The following SUSD6 variants were observed in gnomAD, a reference collection of about 807,000 sequenced individuals.
SUSD6 encodes the protein sushi domain containing 6.
SUSD6 carries 16 observed loss-of-function variants against 28.4 expected under a neutral mutation model. The ratio of observed to expected loss-of-function variants is 0.56; its 90% CI spans 0.38 to 0.86. SUSD6 has a LOEUF of 0.86. SUSD6 is among the 40% of genes least tolerant of loss of function. The probability of loss-of-function intolerance (pLI) is 0.00; values close to 1 mark genes in which losing one functional copy is unlikely to be tolerated. For synonymous variants in SUSD6, 147 were observed against 159.6 expected, an observed-to-expected ratio of 0.92 and a Z score of 0.59; for missense variants, 341 against 384.2, an observed-to-expected ratio of 0.89 and a Z score of 0.94.
intron 2 of SUSD6, among the ~76,000 whole-genome samples, chr14:69,661,455 CT>C (rs1885659369): frequency 6.6e-6 from 1 of 152,132 alleles, no homozygotes; most frequent in Admixed American, 6.5e-5. Context: ...CTGTTGTTTT[CT>C]TTCCCCTCCC....
chr14:69,647,852 G>A (rs1398517159), intron 1 of SUSD6, among the ~76,000 whole-genome samples: 1 of 152,094 alleles, frequency 6.6e-6, no homozygotes, highest in Admixed American at 6.6e-5. Context: ...GGGCTTGGTG[G>A]CGCACACCTG....
intron 1 of SUSD6, among the ~76,000 whole-genome samples, chr14:69,628,725 T>G (rs1251160184): frequency 6.6e-6 from 1 of 150,978 alleles, no homozygotes; most frequent in Non-Finnish European, 1.5e-5. Context: ...GTGGGTTTTT[T>G]TTTTTTTTTT....
At chr14:69,696,259 C>G (rs1941107343) in intron 2 of SUSD6, among the ~76,000 whole-genome samples, 1 of 152,132 alleles carries the variant, frequency 6.6e-6, no homozygotes, top group Non-Finnish European at 1.5e-5. Flanking sequence ...CTCAGTTAAG[C>G]CTTATTGTCC....
At chr14:69,691,903 G>A (rs1456978721) in intron 2 of SUSD6, among the ~76,000 whole-genome samples, 1 of 152,090 alleles carries the variant, frequency 6.6e-6, no homozygotes, top group Non-Finnish European at 1.5e-5. Context: ...GCCCGGTGTG[G>A]TGGCACACAC....
chr14:69,665,472 T>G (rs1885726211), intron 2 of SUSD6, among the ~76,000 whole-genome samples: 1 of 152,208 alleles, frequency 6.6e-6, no homozygotes, highest in South Asian at 2.1e-4. Flanking sequence ...AGGCTGGTCT[T>G]GAACTCCTGG....
At chr14:69,669,448 A>G (rs1885797382) in intron 2 of SUSD6, among the ~76,000 whole-genome samples, 1 of 152,212 alleles carries the variant, frequency 6.6e-6, no homozygotes, top group African/African-American at 2.4e-5. Flanking sequence ...GAAGTGAAGG[A>G]GGAATGTATA....
rs567114098 is a variant in SUSD6, at chr14:69,713,168, A to G, written c.*2189A>G. On this transcript the variant is annotated 3_prime_UTR_variant, in exon 6 of 6. Transcript: ENST00000342745. ...TGTTACTCTGGGGTTTTGTCCCCCTAAGAGATTGCACTTTTTGTTTGGGGT... is the reference window on the plus strand; with the variant it reads ...TGTTACTCTGGGGTTTTGTCCCCCTGAGAGATTGCACTTTTTGTTTGGGGT... The G allele has an allele frequency of 6.6e-6, 1 of 152,294 alleles. No homozygotes were observed. Among genetic ancestry groups the G allele is most frequent in the South Asian group, 2.1e-4 (1 of 4,828 alleles). The allele number at this position is 152,294 out of a possible 1,614,324, so 9.4% of individuals were successfully genotyped here.
chr14:69,625,743 G>A (rs1245319572), intron 1 of SUSD6, among the ~76,000 whole-genome samples: 2 of 152,084 alleles, frequency 1.3e-5, no homozygotes, highest in East Asian at 1.9e-4. Context: ...TCCTGGTCTT[G>A]TATGTGGCAC....
At position 69,708,657 on chromosome 14, in the gene SUSD6, C is replaced by T. The variant is rs560850910; in HGVS notation, c.459-20C>T. On this transcript the variant is annotated intron_variant, in intron 4 of 5. Coordinates refer to ENST00000342745, the MANE Select transcript of SUSD6 (RefSeq NM_014734.4). ...GTGTTTATTCTAATTCATCCTTTGT[C>T]TTTTCCTCCTCCACTCCAGGCGTGA... 3.3e-4 allele frequency: 506 copies of T among 1,518,990 alleles called. 3 individuals carry two copies. Among genetic ancestry groups the T allele is most frequent in the South Asian group, 2.8e-3 (214 of 76,704 alleles). The allele number at this position is 1,518,990 out of a possible 1,614,324, so 94.1% of individuals were successfully genotyped here.
chr14:69,684,976 A>C (rs983737452), intron 2 of SUSD6, among the ~76,000 whole-genome samples: 1 of 152,174 alleles, frequency 6.6e-6, no homozygotes, highest in Non-Finnish European at 1.5e-5. Context: ...CTGAGTTATC[A>C]CTTTGTTAGG....
At chr14:69,677,429 C>A (rs1417916385) in intron 2 of SUSD6, among the ~76,000 whole-genome samples, 4 of 152,066 alleles carry the variant, frequency 2.6e-5, no homozygotes, top group African/African-American at 9.7e-5. Context: ...CGCCTGTAGT[C>A]CCAGCTACTT....
rs544786850 is a variant in SUSD6, at chr14:69,641,589, T to A, written c.-80-16924T>A. 2.0e-5 allele frequency among the ~76,000 whole-genome samples: 3 copies of A among 152,260 alleles called. No individual in the cohort carries two copies. In the East Asian group the frequency reaches 5.8e-4, roughly 29 times the overall value. On this transcript the variant is annotated intron_variant, in intron 1 of 5. Coordinates refer to ENST00000342745, the MANE Select transcript of SUSD6 (RefSeq NM_014734.4). ...CCCTCTAGAAGTTCAATTTGAATAT[T>A]TGAATCTTTATTTTTTTTGAGACAG...
chr14:69,636,664 C>T (rs1885270774), intron 1 of SUSD6, among the ~76,000 whole-genome samples: 1 of 152,124 alleles, frequency 6.6e-6, no homozygotes, highest in Non-Finnish European at 1.5e-5. Context: ...GTCTTTTTTT[C>T]TCATGAGCTG....
Position 69,611,688 on chromosome 14 carries a change from C to T in SUSD6, c.-221C>T, listed in dbSNP as rs1287375062. The T allele has an allele frequency of 1.2e-4, 18 of 151,700 alleles. 1 individual carries two copies. The South Asian group carries it at 2.5e-3, about 21-fold the overall frequency. 9.4% of individuals were successfully genotyped at this position (151,700 alleles called of 1,614,324 possible). Reference sequence around the variant, plus strand: ...CTCCTCCCTCCCTCCCGCCCGCTTCCTCTGCCCACAGCGCCGGCCAGAGCG... The same window carrying T: ...CTCCTCCCTCCCTCCCGCCCGCTTCTTCTGCCCACAGCGCCGGCCAGAGCG... On this transcript the variant is annotated 5_prime_UTR_variant, in exon 1 of 6. Transcript: ENST00000342745.
intron 1 of SUSD6, among the ~76,000 whole-genome samples, chr14:69,646,774 T>C (rs1334804407): frequency 7.1e-6 from 1 of 141,528 alleles, no homozygotes; most frequent in African/African-American, 2.6e-5. Flanking sequence ...CAATCTTGGC[T>C]CACTGCAAGC....
chr14:69,698,264 G>A (rs537011350), intron 2 of SUSD6, among the ~76,000 whole-genome samples: 1 of 152,320 alleles, frequency 6.6e-6, no homozygotes, highest in African/African-American at 2.4e-5. Context: ...TGAGGCAGAG[G>A]TTGCAGTGAG....
intron 2 of SUSD6, among the ~76,000 whole-genome samples, chr14:69,679,636 G>A (rs1258920508): frequency 6.6e-6 from 1 of 151,558 alleles, no homozygotes; most frequent in Non-Finnish European, 1.5e-5. Context: ...TTTATGTGTG[G>A]CCCAAAACAA....
intron 1 of SUSD6, among the ~76,000 whole-genome samples, chr14:69,627,622 G>A (rs1034809040): frequency 2.1e-4 from 32 of 152,104 alleles, no homozygotes; most frequent in Admixed American, 1.4e-3. Context: ...CCACCACCAC[G>A]CCTGGCTAAT....
At chr14:69,615,076 C>G (rs1000314333) in intron 1 of SUSD6, among the ~76,000 whole-genome samples, 1 of 152,158 alleles carries the variant, frequency 6.6e-6, no homozygotes, top group African/African-American at 2.4e-5. Flanking sequence ...CAGAAGGAGC[C>G]AATAGAGGAG....
Sources: allele counts gnomAD v4.1 joint callset (sites outside exome capture counted in the v4.1 genomes callset), GRCh38; gene constraint gnomAD v4.1.1; transcripts MANE v1.5; gene names NCBI Gene and HGNC (gene_info 2026-07-23, HGNC 2026-07-21).